Variants in GSE1 observed in about 807,000 individuals in gnomAD.
GSE1 encodes the protein genetic suppressor element 1.
A neutral mutation model predicts 112.6 loss-of-function variants in GSE1; 32 were observed. That is an observed-to-expected ratio of 0.28 (90% CI 0.21 to 0.38). The LOEUF (loss-of-function observed/expected upper bound fraction) is 0.38. Among genes scored for constraint, GSE1 ranks in the 10% least tolerant of loss-of-function variants. GSE1 has a pLI of 1.00. For missense variants in GSE1, 2,348 were observed against 1,699.2 expected (o/e 1.38, Z -6.71); for synonymous variants, 1,115 against 735.6 (o/e 1.52, Z -8.35).
intron 2 of GSE1, among the ~76,000 whole-genome samples, chr16:85,451,074 CAAAAAAA>C (rs57839123): frequency 7.8e-5 from 5 of 64,152 alleles, no homozygotes; most frequent in South Asian, 1.5e-3. Context: ...AACGCCATCT[CAAAAAAA>C]AAAAAAAAAA....
chr16:85,198,097 C>T (rs369736891), intron 1 of GSE1, among the ~76,000 whole-genome samples: 2 of 152,134 alleles, frequency 1.3e-5, no homozygotes, highest in East Asian at 1.9e-4. Flanking sequence ...AGCGTCCTCA[C>T]ACCTCAGGCT....
In GSE1 at chr16:85,672,388, A is replaced by T; in HGVS notation, c.3520-17A>T. The T allele has an allele frequency of 6.2e-7, 1 of 1,603,564 alleles. No individual in the cohort carries two copies. The highest frequency in any genetic ancestry group is 1.7e-4 in the Middle Eastern group (1 of 6,044). ...GAGGAAACGGGTTGGTTTTGACACA[A>T]ATTTCCCTCTCTCCAGGAGTTGAGG... is the stretch of plus-strand genomic sequence containing the variant. On this transcript the variant is annotated splice_polypyrimidine_tract_variant and intron_variant, in intron 15 of 15. Coordinates refer to ENST00000253458, the MANE Select transcript of GSE1 (RefSeq NM_014615.5).
chr16:85,511,751 T>A (rs1199681351), intron 2 of GSE1, among the ~76,000 whole-genome samples: 2 of 152,062 alleles, frequency 1.3e-5, no homozygotes, highest in African/African-American at 4.8e-5. Context: ...GCTGGAGTGA[T>A]GCAGCCACAA....
chr16:85,527,072 G>A (rs907608513), intron 2 of GSE1, among the ~76,000 whole-genome samples: 3 of 152,174 alleles, frequency 2.0e-5, no homozygotes, highest in Non-Finnish European at 2.9e-5. Context: ...TCACCTCTCC[G>A]GTCAGGATGA....
intron 2 of GSE1, among the ~76,000 whole-genome samples, chr16:85,382,201 C>T (rs965877467): frequency 5.4e-4 from 82 of 152,262 alleles, no homozygotes; most frequent in African/African-American, 1.9e-3. Flanking sequence ...AGGCGGCCCT[C>T]GATGGCTCAT....
intron 1 of GSE1, among the ~76,000 whole-genome samples, chr16:85,222,373 C>T (rs957035807): frequency 5.3e-5 from 8 of 152,196 alleles, no homozygotes; most frequent in East Asian, 3.9e-4. Flanking sequence ...GACCACAGGG[C>T]GGGCTGGAGG....
intron 4 of GSE1, 147 bp from the exon 5 acceptor site, chr16:85,654,647 C>G (rs1003649074): frequency 7.0e-6 from 5 of 713,710 alleles, no homozygotes; most frequent in Non-Finnish European, 1.2e-5. Context: ...GCTCCCCCCG[C>G]TGCTTAAGCC....
chr16:85,611,462 C>T, upstream of GSE1: 1 of 985,328 alleles, frequency 1.0e-6, no homozygotes, highest in South Asian at 4.7e-5. Context: ...GGGGGCGCCG[C>T]CGGTGAGCTG....
chr16:85,489,455 C>T (rs1051499004), intron 2 of GSE1, among the ~76,000 whole-genome samples: 1 of 152,054 alleles, frequency 6.6e-6, no homozygotes, highest in Non-Finnish European at 1.5e-5. Context: ...TGCAGAAGCT[C>T]TCAAGCAGAG....
At chr16:85,604,979 G>A (rs1418923417) in intron 1 of GSE1, among the ~76,000 whole-genome samples, 2 of 144,120 alleles carry the variant, frequency 1.4e-5, no homozygotes, top group Non-Finnish European at 3.0e-5. Flanking sequence ...CACCACGCCC[G>A]GCTAGTTTTT....
intron 1 of GSE1, among the ~76,000 whole-genome samples, chr16:85,201,916 G>T (rs532709103): frequency 6.6e-6 from 1 of 152,310 alleles, no homozygotes; most frequent in South Asian, 2.1e-4. Flanking sequence ...AGGAAGCTAG[G>T]GCTTTTCAGT....
chr16:85,662,854 C>A (rs947040270), intron 9 of GSE1, 127 bp from the exon 10 acceptor site: 1 of 671,410 alleles, frequency 1.5e-6, no homozygotes, highest in Non-Finnish European at 2.6e-6. Flanking sequence ...AGGAACTGGC[C>A]TTCAGGGTGT....
At chr16:85,643,199 C>T (rs1438494603) in intron 2 of GSE1, among the ~76,000 whole-genome samples, 1 of 152,210 alleles carries the variant, frequency 6.6e-6, no homozygotes, top group Non-Finnish European at 1.5e-5. Context: ...ACACGGGCTG[C>T]CTCTTGTCAT....
intron 2 of GSE1, among the ~76,000 whole-genome samples, chr16:85,452,833 A>G (rs1250054728): frequency 2.6e-5 from 4 of 152,332 alleles, no homozygotes; most frequent in Middle Eastern, 3.4e-3. Flanking sequence ...GTGAACAAAC[A>G]GGGATTGGGC....
At chr16:85,550,096 T>C (rs1022035162) in intron 2 of GSE1, among the ~76,000 whole-genome samples, 15 of 151,962 alleles carry the variant, frequency 9.9e-5, no homozygotes, top group South Asian at 4.2e-4. Context: ...CTTCCTGGAG[T>C]GCAGGGGTGA....
intron 1 of GSE1, among the ~76,000 whole-genome samples, chr16:85,633,285 G>A (rs1278392980): frequency 2.6e-5 from 4 of 152,204 alleles, no homozygotes; most frequent in South Asian, 2.1e-4. Context: ...AGACAGAGAC[G>A]CACAGGGTCC....
chr16:85,498,429 G>A (rs930718742), intron 2 of GSE1, among the ~76,000 whole-genome samples: 5 of 150,372 alleles, frequency 3.3e-5, no homozygotes, highest in Non-Finnish European at 5.9e-5. Context: ...AGACACACAC[G>A]GACACACAGA....
intron 1 of GSE1, among the ~76,000 whole-genome samples, chr16:85,251,230 C>T (rs186025702): frequency 6.6e-6 from 1 of 152,236 alleles, no homozygotes. Flanking sequence ...CTTCTTCCAG[C>T]TCTCAGAGGC....
At chr16:85,457,937 G>A (rs2049874981) in intron 2 of GSE1, among the ~76,000 whole-genome samples, 1 of 152,216 alleles carries the variant, frequency 6.6e-6, no homozygotes, top group African/African-American at 2.4e-5. Flanking sequence ...CATTGGTGGT[G>A]TGTAATTTTC....
Sources: allele counts gnomAD v4.1 joint callset (sites outside exome capture counted in the v4.1 genomes callset), GRCh38; gene constraint gnomAD v4.1.1; transcripts MANE v1.5; gene names NCBI Gene and HGNC (gene_info 2026-07-23, HGNC 2026-07-21).